ST8SIA1: variants seen among roughly 807,000 people sequenced by gnomAD.
The protein encoded by ST8SIA1 is ST8 alpha-N-acetyl-neuraminide alpha-2,8-sialyltransferase 1, also known as alpha-N-acetylneuraminide alpha-2,8-sialyltransferase.
In ST8SIA1, 16 loss-of-function variants were observed where a neutral mutation model predicts 35.9. The observed-to-expected ratio is 0.45, with a 90% CI of 0.30 to 0.68. The LOEUF (loss-of-function observed/expected upper bound fraction) is 0.68, where lower values mean the gene tolerates loss of function less well. Ranked by LOEUF, ST8SIA1 falls within the 30% of genes least tolerant of loss-of-function variation. ST8SIA1 has a pLI of 0.09. For synonymous variants in ST8SIA1, 170 were observed against 169.6 expected, an observed-to-expected ratio of 1.00 and a Z score of -0.02; for missense variants, 383 against 453.6, an observed-to-expected ratio of 0.84 and a Z score of 1.41.
At chr12:22,233,863 G>C (rs1019331) in intron 4 of ST8SIA1, among the ~76,000 whole-genome samples, 7,251 of 152,120 alleles carry the variant, frequency 0.048, 593 homozygotes, top group African/African-American at 0.17. Flanking sequence ...TATGTGCCAT[G>C]CTTCCTCCAA....
At chr12:22,318,335 A>G (rs1866544692) in intron 1 of ST8SIA1, among the ~76,000 whole-genome samples, 1 of 152,186 alleles carries the variant, frequency 6.6e-6, no homozygotes, top group Non-Finnish European at 1.5e-5. Flanking sequence ...CACACGATTC[A>G]TTGCTCCACT....
At chr12:22,293,865 G>A (rs1866210886) in intron 1 of ST8SIA1, among the ~76,000 whole-genome samples, 1 of 152,044 alleles carries the variant, frequency 6.6e-6, no homozygotes, top group African/African-American at 2.4e-5. Context: ...CTAACAAAAG[G>A]GGGCTTTTCT....
chr12:22,334,063 A>G lies in ST8SIA1; in HGVS notation c.170T>C (p.Ile57Thr), dbSNP rs1565599984. 6.2e-7 allele frequency: 1 copy of G among 1,613,368 alleles called. No homozygotes were observed. Among genetic ancestry groups the G allele is most frequent in the Admixed American group, 1.7e-5 (1 of 59,948 alleles). Residue 57 changes from isoleucine to threonine, a missense_variant, in exon 1 of 5, where the codon ATC becomes ACC. Physicochemically the swap from Ile to Thr is moderately conservative, Grantham distance 89 (BLOSUM62 -1). Coordinates refer to ENST00000396037, the MANE Select transcript of ST8SIA1 (RefSeq NM_003034.4). ...GCCCTGTTGCAGCACCCCCTGCACG[A>G]TCTCTTTCTCGTTGGGCAGCCGGTA... ...PVYRLPNEKE[I>T]VQGVLQQGTA... is the part of the protein sequence containing the mutation.
rs766954225 is a variant in ST8SIA1 at position 22,334,115 on chromosome 12, G to A, written c.118C>T (p.Leu40Phe). The change falls in exon 1 of 5, where the codon CTC (leucine) becomes TTC (phenylalanine). Residue 40 changes from leucine to phenylalanine, a missense_variant. By Grantham distance (22) the Leu-to-Phe change is conservative. Transcript: ENST00000396037. The part of the protein sequence containing the change: ...MGASALCVVV[L>F]CWLYIFPVYR... The stretch of plus-strand genomic sequence containing the variant: ...ACGGGGAAGATGTAGAGCCAACAGA[G>A]GACCACGACACAGAGGGCACTGGCT... 2.0e-5 allele frequency: 33 copies of A among 1,613,978 alleles called. No homozygotes were observed. In the East Asian group the frequency reaches 5.3e-4, roughly 26 times the overall value.
chr12:22,300,116 T>C (rs967399069), intron 1 of ST8SIA1, among the ~76,000 whole-genome samples: 1 of 152,136 alleles, frequency 6.6e-6, no homozygotes, highest in Non-Finnish European at 1.5e-5. Context: ...CTGTGTATCT[T>C]TATGTGCTTT....
At chr12:22,210,098 T>A (rs1159047837) in intron 4 of ST8SIA1, among the ~76,000 whole-genome samples, 1 of 152,188 alleles carries the variant, frequency 6.6e-6, no homozygotes, top group Non-Finnish European at 1.5e-5. Flanking sequence ...GCAATTTTTT[T>A]AAATGACATA....
Position 22,202,354 on chromosome 12 carries a change from A to G in ST8SIA1, c.585-316T>C, listed in dbSNP as rs144079934. ...TGAAATGGAAAACGGTTTAATTCTC[A>G]TAAATTCCTGAAGGTTGTTGGCTGG... On this transcript the variant is annotated intron_variant, in intron 4 of 4. Coordinates refer to ENST00000396037, the MANE Select transcript of ST8SIA1 (RefSeq NM_003034.4). Among the ~76,000 whole-genome samples, 442 of 152,306 alleles carry G rather than the reference A, an allele frequency of 2.9e-3. 3 individuals are homozygous for G. The highest frequency in any genetic ancestry group is 9.9e-3 in the African/African-American group (411 of 41,574).
intron 1 of ST8SIA1, among the ~76,000 whole-genome samples, chr12:22,314,543 GA>G (rs1332382810): frequency 6.6e-6 from 1 of 152,142 alleles, no homozygotes; most frequent in Non-Finnish European, 1.5e-5. Context: ...TCAATTAGCA[GA>G]AGAAAACTCA....
chr12:22,231,670 T>C (rs1865423316), intron 4 of ST8SIA1, among the ~76,000 whole-genome samples: 1 of 151,790 alleles, frequency 6.6e-6, no homozygotes, highest in Non-Finnish European at 1.5e-5. Context: ...GCCTCCCGGG[T>C]TCACGCCATT....
At chr12:22,270,028 T>G (rs1211535487) in intron 2 of ST8SIA1, among the ~76,000 whole-genome samples, 2 of 152,206 alleles carry the variant, frequency 1.3e-5, no homozygotes, top group African/African-American at 4.8e-5. Context: ...TATAGGTATT[T>G]CAGACATATC....
intron 2 of ST8SIA1, among the ~76,000 whole-genome samples, chr12:22,259,430 C>T (rs373794533): frequency 1.3e-5 from 2 of 151,686 alleles, no homozygotes; most frequent in Non-Finnish European, 2.9e-5. Flanking sequence ...CAAAGCTTTA[C>T]AGACAAAAAA....
chr12:22,248,526 T>A lies in ST8SIA1; in HGVS notation c.584+480A>T, dbSNP rs1018728812. Among the ~76,000 whole-genome samples, 5 of 152,184 alleles carry A rather than the reference T, an allele frequency of 3.3e-5. No individual in the cohort carries two copies. The East Asian group carries it at 7.7e-4, about 23-fold the overall frequency. On this transcript the variant is annotated intron_variant, in intron 4 of 4. Coordinates refer to ENST00000396037, the MANE Select transcript of ST8SIA1 (RefSeq NM_003034.4). ...AAATATGATTGAATATAATATAATGTAATGTAATACAGTATACTATAACCA... is the reference window on the plus strand; with the variant it reads ...AAATATGATTGAATATAATATAATGAAATGTAATACAGTATACTATAACCA...
chr12:22,296,338 T>C (rs1866243247), intron 1 of ST8SIA1, among the ~76,000 whole-genome samples: 2 of 152,140 alleles, frequency 1.3e-5, no homozygotes, highest in South Asian at 4.1e-4. Context: ...ACATTTGAAT[T>C]TGACTAGAAG....
intron 4 of ST8SIA1, among the ~76,000 whole-genome samples, chr12:22,205,361 C>A (rs1251246588): frequency 1.3e-5 from 2 of 151,276 alleles, no homozygotes; most frequent in Non-Finnish European, 2.9e-5. Flanking sequence ...GAAGATCAGC[C>A]CATGAATTAT....
intron 4 of ST8SIA1, among the ~76,000 whole-genome samples, chr12:22,245,611 C>T (rs1865591180): frequency 6.6e-6 from 1 of 152,174 alleles, no homozygotes; most frequent in African/African-American, 2.4e-5. Context: ...TATATTTGAT[C>T]TTCGACTTCG....
At chr12:22,265,791 A>G (rs1158306416) in intron 2 of ST8SIA1, among the ~76,000 whole-genome samples, 1 of 152,102 alleles carries the variant, frequency 6.6e-6, no homozygotes, top group Non-Finnish European at 1.5e-5. Context: ...AAAATGGTTT[A>G]ATGCTGTAAA....
intron 1 of ST8SIA1, among the ~76,000 whole-genome samples, chr12:22,297,240 T>C (rs1172343985): frequency 3.3e-5 from 5 of 151,688 alleles, no homozygotes; most frequent in Admixed American, 6.6e-5. Flanking sequence ...TTCTGAATTA[T>C]ACAGATTTTT....
intron 1 of ST8SIA1, among the ~76,000 whole-genome samples, chr12:22,331,999 T>TA (rs1273493745): frequency 2.6e-5 from 4 of 152,316 alleles, no homozygotes; most frequent in African/African-American, 9.6e-5. Flanking sequence ...GCAATGTAGA[T>TA]AAACAAGAAA....
chr12:22,273,522 CT>C (rs1295878198), intron 2 of ST8SIA1, among the ~76,000 whole-genome samples: 1 of 152,196 alleles, frequency 6.6e-6, no homozygotes, highest in Non-Finnish European at 1.5e-5. Flanking sequence ...CTTCAAATTT[CT>C]GTGTGCCTAC....
Sources: gnomAD v4.1 joint callset for allele counts (sites outside exome capture counted in the v4.1 genomes callset) on GRCh38, gnomAD v4.1.1 for gene constraint, MANE v1.5 for transcripts, NCBI Gene and HGNC (gene_info 2026-07-23, HGNC 2026-07-21) for gene names.